The following DLG2 variants were observed in gnomAD, a reference collection of about 807,000 sequenced individuals.
DLG2 encodes disks large homolog 2.
A neutral mutation model predicts 132.5 loss-of-function variants in DLG2; 45 were observed. The ratio of observed to expected loss-of-function variants is 0.34; its 90% CI spans 0.27 to 0.44. DLG2 has a LOEUF of 0.44. Among genes scored for constraint, DLG2 ranks in the 20% least tolerant of loss-of-function variants. The pLI, the probability that DLG2 is intolerant of heterozygous loss-of-function variation, is 1.00. For synonymous variants in DLG2, 424 were observed against 419.6 expected, an observed-to-expected ratio of 1.01 and a Z score of -0.13; for missense variants, 1,045 against 1,196.9, an observed-to-expected ratio of 0.87 and a Z score of 1.87.
intron 6 of DLG2, among the ~76,000 whole-genome samples, chr11:84,913,116 GA>G (rs1167949919): frequency 1.3e-5 from 2 of 152,158 alleles, no homozygotes; most frequent in Non-Finnish European, 2.9e-5. Context: ...ATGGTCTCTG[GA>G]GAGTAAAAAT....
intron 21 of DLG2, among the ~76,000 whole-genome samples, chr11:83,489,656 C>G (rs1280167804): frequency 6.6e-6 from 1 of 151,958 alleles, no homozygotes. Flanking sequence ...AAATCTGATG[C>G]ATTGGATTGC....
intron 25 of DLG2, among the ~76,000 whole-genome samples, chr11:83,467,234 C>T (rs1482415868): frequency 2.0e-5 from 3 of 152,182 alleles, no homozygotes; most frequent in Non-Finnish European, 4.4e-5. Flanking sequence ...AAGACTCACA[C>T]TAACTAACTT....
intron 6 of DLG2, among the ~76,000 whole-genome samples, chr11:84,961,020 A>G (rs930656675): frequency 3.9e-5 from 6 of 152,026 alleles, no homozygotes; most frequent in Non-Finnish European, 7.4e-5. Flanking sequence ...CCCTGTTGAG[A>G]ATCTGCTCTG....
intron 16 of DLG2, among the ~76,000 whole-genome samples, chr11:83,863,234 G>T (rs997850527): frequency 1.3e-5 from 2 of 152,184 alleles, no homozygotes; most frequent in East Asian, 1.9e-4. Context: ...AGGAGGTAAG[G>T]TGTGGTGACA....
At chr11:85,487,889 TG>T (rs2093466122) in intron 3 of DLG2, among the ~76,000 whole-genome samples, 1 of 152,230 alleles carries the variant, frequency 6.6e-6, no homozygotes, top group Non-Finnish European at 1.5e-5. Flanking sequence ...GGTTTGGCTC[TG>T]TGTCCCCACC....
chr11:85,026,948 G>C (rs1039973759), intron 6 of DLG2, among the ~76,000 whole-genome samples: 3 of 152,090 alleles, frequency 2.0e-5, no homozygotes, highest in Non-Finnish European at 4.4e-5. Context: ...GTACAGAGCT[G>C]TAAGTCTAAG....
chr11:84,735,535 G>A (rs7934580), intron 6 of DLG2, among the ~76,000 whole-genome samples: 2,435 of 151,652 alleles, frequency 0.016, 76 homozygotes, highest in African/African-American at 0.053. Context: ...TGTTTTCTTC[G>A]TTATTAGTCT....
At chr11:84,529,726 A>G (rs1448736987) in intron 7 of DLG2, among the ~76,000 whole-genome samples, 1 of 152,234 alleles carries the variant, frequency 6.6e-6, no homozygotes, top group Non-Finnish European at 1.5e-5. Context: ...CCCTAAAGCA[A>G]TTTACACAGT....
In DLG2 at chr11:84,736,478, G is replaced by A. The variant is rs890031227; in HGVS notation, c.358-201747C>T. Among the ~76,000 whole-genome samples, 17 of 151,854 alleles carry A rather than the reference G, an allele frequency of 1.1e-4. 1 individual carries two copies. Among genetic ancestry groups the A allele is most frequent in the Admixed American group, 3.3e-4 (5 of 15,232 alleles). The stretch of plus-strand genomic sequence containing the variant: ...TTGAATCTTTAGATAAGGTTAGAGA[G>A]AATGAACATCTTAATGATACTGATT... On this transcript the variant is annotated intron_variant, in intron 6 of 27. Transcript: ENST00000376104.
chr11:83,791,539 T>C, intron 17 of DLG2: 1 of 576,476 alleles, frequency 1.7e-6, no homozygotes. Flanking sequence ...TTATTCAAGT[T>C]AAAGGATTTC....
At chr11:84,081,332 G>A (rs1431127642) in intron 10 of DLG2, among the ~76,000 whole-genome samples, 1 of 151,840 alleles carries the variant, frequency 6.6e-6, no homozygotes, top group Admixed American at 6.6e-5. Flanking sequence ...CTGATATTGA[G>A]TGTTACAACC....
intron 4 of DLG2, among the ~76,000 whole-genome samples, chr11:85,277,108 A>C: frequency 6.6e-6 from 1 of 152,302 alleles, no homozygotes; most frequent in South Asian, 2.1e-4. Context: ...GTAAAGCTTA[A>C]TGTAAGTTCA....
At chr11:85,517,342 AT>A (rs2094189547) in intron 3 of DLG2, among the ~76,000 whole-genome samples, 1 of 152,136 alleles carries the variant, frequency 6.6e-6, no homozygotes, top group Non-Finnish European at 1.5e-5. Flanking sequence ...AATGTGGAAA[AT>A]TTGAAGGCAT....
chr11:85,523,481 G>A (rs1046741787), intron 3 of DLG2, among the ~76,000 whole-genome samples: 4 of 152,062 alleles, frequency 2.6e-5, no homozygotes, highest in African/African-American at 7.2e-5. Flanking sequence ...ACATGAAAAG[G>A]TACTCAACAT....
intron 7 of DLG2, among the ~76,000 whole-genome samples, chr11:84,352,855 T>C (rs1238293913): frequency 2.0e-5 from 3 of 152,174 alleles, no homozygotes; most frequent in African/African-American, 2.4e-5. Context: ...AAATTATCTT[T>C]ATTTTTGTCT....
At chr11:85,428,364 C>T (rs1262979058) in intron 3 of DLG2, among the ~76,000 whole-genome samples, 4 of 152,158 alleles carry the variant, frequency 2.6e-5, no homozygotes, top group Non-Finnish European at 4.4e-5. Flanking sequence ...CAAAATTGAC[C>T]ACTTAGTCGG....
intron 6 of DLG2, among the ~76,000 whole-genome samples, chr11:84,693,402 G>A (rs1328560825): frequency 6.6e-6 from 1 of 151,744 alleles, no homozygotes; most frequent in East Asian, 1.9e-4. Context: ...GTAATGACAT[G>A]TCATGAAGGC....
At chr11:84,076,474 TGA>T (rs1491302699) in intron 10 of DLG2, among the ~76,000 whole-genome samples, 2 of 152,158 alleles carry the variant, frequency 1.3e-5, no homozygotes, top group Non-Finnish European at 2.9e-5. Flanking sequence ...CATTTTCAAG[TGA>T]AAAAAACCTG....
At chr11:84,720,778 A>C (rs967791651) in intron 6 of DLG2, 1 of 151,826 alleles carries the variant, frequency 6.6e-6, no homozygotes, top group South Asian at 2.1e-4. Flanking sequence ...GTGCCCGCCT[A>C]CTCTCCCCAG....
Sources: allele counts gnomAD v4.1 joint callset (sites outside exome capture counted in the v4.1 genomes callset), GRCh38; gene constraint gnomAD v4.1.1; transcripts MANE v1.5; gene names NCBI Gene and HGNC (gene_info 2026-07-23, HGNC 2026-07-21).